Variants in RSU1 observed in about 807,000 individuals in gnomAD.
RSU1 encodes Ras suppressor protein 1, also known as rsu-1.
In RSU1, 26 loss-of-function variants were observed where a neutral mutation model predicts 31.1. The ratio of observed to expected loss-of-function variants is 0.84; its 90% CI spans 0.61 to 1.16. The LOEUF is 1.16. Among genes scored for constraint, RSU1 ranks in the 50% most tolerant of loss-of-function variants. RSU1 has a pLI of 0.00. For synonymous variants in RSU1, 164 were observed against 136.3 expected, an observed-to-expected ratio of 1.20 and a Z score of -1.41; for missense variants, 320 against 339.1, an observed-to-expected ratio of 0.94 and a Z score of 0.44.
intron 8 of RSU1, among the ~76,000 whole-genome samples, chr10:16,674,400 T>G (rs888711118): frequency 1.2e-4 from 8 of 68,002 alleles, no homozygotes; most frequent in African/African-American, 7.4e-4. Context: ...TCACGGAAGG[T>G]TTTTTTTTTT....
At chr10:16,817,190 G>C in intron 1 of RSU1, 106 bp from the exon 2 acceptor site, 2 of 821,316 alleles carry the variant, frequency 2.4e-6, no homozygotes, top group Non-Finnish European at 4.1e-6. Flanking sequence ...GTTGGAGCGG[G>C]TGGGCGTCCG....
At chr10:16,696,260 G>T (rs1467442085) in intron 7 of RSU1, among the ~76,000 whole-genome samples, 2 of 152,108 alleles carry the variant, frequency 1.3e-5, no homozygotes, top group Non-Finnish European at 2.9e-5. Flanking sequence ...CTGTTCCCAG[G>T]TTCTACTGCC....
chr10:16,634,199 C>A (rs940560539), intron 8 of RSU1, among the ~76,000 whole-genome samples: 2 of 152,146 alleles, frequency 1.3e-5, no homozygotes, highest in African/African-American at 4.8e-5. Flanking sequence ...AGAGCTAGCG[C>A]AAAGATGGCC....
chr10:16,679,539 T>C (rs1472231853), intron 8 of RSU1, among the ~76,000 whole-genome samples: 1 of 152,174 alleles, frequency 6.6e-6, no homozygotes, highest in Non-Finnish European at 1.5e-5. Flanking sequence ...AGAAAAGATC[T>C]CTGAGGAAGC....
intron 7 of RSU1, among the ~76,000 whole-genome samples, chr10:16,700,143 T>C (rs538292525): frequency 6.6e-6 from 1 of 152,156 alleles, no homozygotes; most frequent in Non-Finnish European, 1.5e-5. Flanking sequence ...TCCTGAAACA[T>C]GTGGCTAGCG....
intron 8 of RSU1, among the ~76,000 whole-genome samples, chr10:16,637,730 G>A (rs957774990): frequency 6.6e-5 from 10 of 152,040 alleles, no homozygotes; most frequent in South Asian, 2.1e-4. Context: ...TTAGATGACC[G>A]CGTAAACATG....
intron 2 of RSU1, among the ~76,000 whole-genome samples, chr10:16,812,839 T>C (rs1207512087): frequency 6.6e-6 from 1 of 152,134 alleles, no homozygotes; most frequent in Non-Finnish European, 1.5e-5. Flanking sequence ...ATTCTGTCTC[T>C]ATGGAAATGG....
chr10:16,691,637 G>A (rs1482818636), intron 8 of RSU1, among the ~76,000 whole-genome samples: 1 of 151,036 alleles, frequency 6.6e-6, no homozygotes, highest in African/African-American at 2.4e-5. Context: ...TCATGTAGAT[G>A]CCCCTAAAAG....
intron 7 of RSU1, among the ~76,000 whole-genome samples, chr10:16,736,417 C>G (rs1315195394): frequency 6.6e-6 from 1 of 152,082 alleles, no homozygotes; most frequent in Non-Finnish European, 1.5e-5. Flanking sequence ...GCAGTAATCC[C>G]AGAAGTCTTA....
chr10:16,768,673 C>G (rs1008315734), intron 3 of RSU1, among the ~76,000 whole-genome samples: 7 of 152,206 alleles, frequency 4.6e-5, no homozygotes, highest in African/African-American at 1.7e-4. Flanking sequence ...AGCAGCAGTT[C>G]CGCCTAACAC....
chr10:16,624,059 C>G (rs1473318152), intron 8 of RSU1, among the ~76,000 whole-genome samples: 1 of 152,052 alleles, frequency 6.6e-6, no homozygotes, highest in East Asian at 1.9e-4. Context: ...AAAGGGATTA[C>G]CCATAACTAG....
chr10:16,594,756 C>A (rs1313963270), intron 8 of RSU1, among the ~76,000 whole-genome samples: 1 of 141,142 alleles, frequency 7.1e-6, no homozygotes, highest in Non-Finnish European at 1.5e-5. Flanking sequence ...ATAAAATATA[C>A]TATATTATCT....
At chr10:16,758,531 C>T (rs1443088315) in intron 4 of RSU1, among the ~76,000 whole-genome samples, 2 of 152,188 alleles carry the variant, frequency 1.3e-5, no homozygotes, top group African/African-American at 4.8e-5. Context: ...CCGGCTCCAG[C>T]ACTTGCTAGC....
At chr10:16,719,177 G>A (rs1178221986) in intron 7 of RSU1, among the ~76,000 whole-genome samples, 2 of 151,870 alleles carry the variant, frequency 1.3e-5, no homozygotes, top group Admixed American at 6.6e-5. Context: ...GTGTGGTGGC[G>A]CATGCCTCTA....
intron 8 of RSU1, among the ~76,000 whole-genome samples, chr10:16,675,518 T>C (rs982586872): frequency 3.9e-5 from 6 of 152,136 alleles, no homozygotes; most frequent in Non-Finnish European, 7.4e-5. Flanking sequence ...TTCCTGAGCT[T>C]ACACACTTGG....
chr10:16,687,397 A>C (rs1188273769), intron 8 of RSU1, among the ~76,000 whole-genome samples: 1 of 152,220 alleles, frequency 6.6e-6, no homozygotes, highest in Non-Finnish European at 1.5e-5. Context: ...CAGAAAAGTA[A>C]AGCCTCAAAA....
At chr10:16,718,784 C>T (rs1456611685) in intron 7 of RSU1, among the ~76,000 whole-genome samples, 3 of 151,940 alleles carry the variant, frequency 2.0e-5, no homozygotes, top group African/African-American at 7.3e-5. Flanking sequence ...AGATCAAGAC[C>T]AGCGTGGCCA....
chr10:16,612,637 A>C (rs1833911945), intron 8 of RSU1, among the ~76,000 whole-genome samples: 2 of 152,330 alleles, frequency 1.3e-5, no homozygotes, highest in South Asian at 4.1e-4. Flanking sequence ...CATTTGTTGT[A>C]ATGAACACTG....
intron 8 of RSU1, among the ~76,000 whole-genome samples, chr10:16,661,406 G>T (rs1207328673): frequency 6.6e-6 from 1 of 151,488 alleles, no homozygotes; most frequent in Non-Finnish European, 1.5e-5. Context: ...CTTTGCTCCA[G>T]ATTTATGCTT....
Sources: gnomAD v4.1 joint callset for allele counts (sites outside exome capture counted in the v4.1 genomes callset) on GRCh38, gnomAD v4.1.1 for gene constraint, MANE v1.5 for transcripts, NCBI Gene and HGNC (gene_info 2026-07-23, HGNC 2026-07-21) for gene names.